Variants in ADI1 observed in about 807,000 individuals in gnomAD.
The protein encoded by ADI1 is acireductone dioxygenase 1.
ADI1 carries 21 observed loss-of-function variants against 18.7 expected under a neutral mutation model. The observed-to-expected ratio is 1.13, with a 90% CI of 0.80 to 1.62. The LOEUF (loss-of-function observed/expected upper bound fraction) is 1.62. Among genes scored for constraint, ADI1 ranks in the 40% most tolerant of loss-of-function variants. The probability of loss-of-function intolerance (pLI) is 0.00; values close to 1 mark genes in which losing one functional copy is unlikely to be tolerated. For synonymous variants in ADI1, 90 were observed against 100.1 expected (o/e 0.90, Z 0.60); for missense variants, 245 against 254.9 (o/e 0.96, Z 0.26).
At chr2:3,519,231 C>T in intron 1 of ADI1, 137 bp downstream of exon 1, 2 of 1,256,314 alleles carry the variant, frequency 1.6e-6, no homozygotes, top group Non-Finnish European at 2.0e-6. Flanking sequence ...GCCACGAACC[C>T]CCAAATCCCG....
At chr2:3,504,425 T>TA (rs1667126714) in intron 2 of ADI1, among the ~76,000 whole-genome samples, 4 of 152,234 alleles carry the variant, frequency 2.6e-5, no homozygotes, top group African/African-American at 9.6e-5. Flanking sequence ...TTATGTGAGA[T>TA]AAAACGTGGC....
chr2:3,519,132 T>TGCGCAGCACACCCAGGCGCC (rs1667499145), intron 1 of ADI1: 1 of 433,168 alleles, frequency 2.3e-6, no homozygotes, highest in Admixed American at 4.8e-5. Context: ...CTGCTGAGCA[T>TGCGCAGCACACCCAGGCGCC]GCGCAGCACA....
intron 1 of ADI1, 81 bp from the exon 2 acceptor site, chr2:3,514,057 T>G (rs746482974): frequency 6.8e-7 from 1 of 1,473,506 alleles, no homozygotes; most frequent in Non-Finnish European, 9.0e-7. Flanking sequence ...ATCTCCAATA[T>G]GATTTTATAC....
At chr2:3,517,986 G>A (rs921275151) in intron 1 of ADI1, among the ~76,000 whole-genome samples, 3 of 152,064 alleles carry the variant, frequency 2.0e-5, no homozygotes, top group South Asian at 2.1e-4. Context: ...TCTTAAAACC[G>A]TCAAATGCAC....
At chr2:3,511,335 T>C (rs1667290722) in intron 2 of ADI1, among the ~76,000 whole-genome samples, 1 of 151,280 alleles carries the variant, frequency 6.6e-6, no homozygotes, top group South Asian at 2.1e-4. Flanking sequence ...ATTAAACCTT[T>C]TTCTTATAAT....
chr2:3,519,272 C>T, intron 1 of ADI1, 96 bp downstream of exon 1: 4 of 1,308,686 alleles, frequency 3.1e-6, no homozygotes, highest in Non-Finnish European at 3.9e-6. Context: ...GCCGCGGCTC[C>T]CAGGCCGCTG....
At chr2:3,506,658 G>A (rs1027823977) in intron 2 of ADI1, among the ~76,000 whole-genome samples, 1 of 152,156 alleles carries the variant, frequency 6.6e-6, no homozygotes, top group Non-Finnish European at 1.5e-5. Context: ...CCAATTCAAA[G>A]TTCCAGCTAG....
At chr2:3,519,337 C>G (rs1239163368) in intron 1 of ADI1, 31 bp downstream of exon 1, 1 of 1,391,262 alleles carries the variant, frequency 7.2e-7, no homozygotes, top group Non-Finnish European at 9.3e-7. Context: ...CGGCGTCGCC[C>G]GCACGCTCTG....
At chr2:3,518,732 C>T (rs892047103) in intron 1 of ADI1, among the ~76,000 whole-genome samples, 2 of 152,216 alleles carry the variant, frequency 1.3e-5, no homozygotes, top group African/African-American at 4.8e-5. Context: ...GTCCCCCTTC[C>T]TCCGATAGAA....
In ADI1 at chr2:3,519,287, G is replaced by C. The variant is rs1667504353; in HGVS notation, c.120+81C>G. On this transcript the variant is annotated intron_variant, in intron 1 of 3. Coordinates refer to ENST00000327435, the MANE Select transcript of ADI1 (RefSeq NM_018269.4). ...GCCGCGGCTCCCAGGCCGCTGCCCG[G>C]CACCTGGAGGAGGCTGGGCTGTGCG... 31 of 1,314,436 alleles carry C rather than the reference G, an allele frequency of 2.4e-5. 1 individual carries two copies. The South Asian group carries it at 5.7e-4, about 24-fold the overall frequency. 81.4% of individuals were successfully genotyped at this position (1,314,436 alleles called of 1,614,324 possible).
intron 2 of ADI1, among the ~76,000 whole-genome samples, chr2:3,501,559 A>C (rs1053403189): frequency 6.6e-6 from 1 of 151,856 alleles, no homozygotes; most frequent in African/African-American, 2.4e-5. Flanking sequence ...TTTTAGGTGG[A>C]GTCTCGCTCT....
In ADI1 at chr2:3,519,379, G is replaced by C. The variant is rs924517927; in HGVS notation, c.109C>G (p.Leu37Val). The change falls in exon 1 of 4, where the codon CTC (leucine) becomes GTC (valine). Residue 37 changes from leucine to valine, a missense_variant. Transcript: ENST00000327435. ...TTGGGCTCGCGTACCTTCCAGTAGA[G>C]CACCCCGAGCCGCCGCAGCTGCTCC... ...GLEQLRRLGV[L>V]YWKLDADKYE... 4.2e-6 allele frequency: 6 copies of C among 1,429,700 alleles called. No homozygotes were observed. Among genetic ancestry groups the C allele is most frequent in the Non-Finnish European group, 5.5e-6 (6 of 1,099,062 alleles). 88.6% of individuals were successfully genotyped at this position (1,429,700 alleles called of 1,614,324 possible).
At chr2:3,507,688 G>A (rs909332160) in intron 2 of ADI1, among the ~76,000 whole-genome samples, 3 of 152,060 alleles carry the variant, frequency 2.0e-5, no homozygotes, top group African/African-American at 7.2e-5. Context: ...AAATTATATA[G>A]GTCTGAATCT....
chr2:3,502,037 ACAC>A (rs774356527), intron 2 of ADI1, among the ~76,000 whole-genome samples: 1 of 101,888 alleles, frequency 9.8e-6, no homozygotes, highest in Admixed American at 9.1e-5. Flanking sequence ...ACACACACAC[ACAC>A]ACAGAGACAG....
chr2:3,518,880 G>A (rs1398261305), intron 1 of ADI1, among the ~76,000 whole-genome samples: 1 of 152,206 alleles, frequency 6.6e-6, no homozygotes, highest in East Asian at 1.9e-4. Flanking sequence ...TGCCAATCCC[G>A]GAGCTGCGCG....
At position 3,497,767 on chromosome 2, in the gene ADI1, G is replaced by A. The variant is rs989678898; in HGVS notation, c.*1196C>T. 1 of 152,202 alleles carries A rather than the reference G, an allele frequency of 6.6e-6. No individual in the cohort carries two copies. Among genetic ancestry groups the A allele is most frequent in the Admixed American group, 6.5e-5 (1 of 15,280 alleles). 9.4% of individuals were successfully genotyped at this position (152,202 alleles called of 1,614,324 possible). A position where few individuals can be genotyped will look rare whatever the true frequency, so the allele number is the denominator to read the frequency against. On this transcript the variant is annotated 3_prime_UTR_variant, in exon 4 of 4. Coordinates refer to ENST00000327435, the MANE Select transcript of ADI1 (RefSeq NM_018269.4). ...CCGCAGGAGGCCAGCCCCGCACGAG[G>A]AGTTTCAAACACTAAGGATCCTGAC... is the stretch of plus-strand genomic sequence containing the variant.
chr2:3,502,772 C>G (rs1254316975), intron 2 of ADI1, among the ~76,000 whole-genome samples: 1 of 152,136 alleles, frequency 6.6e-6, no homozygotes, highest in Non-Finnish European at 1.5e-5. Context: ...AACTCTTGAA[C>G]ATATTATTTT....
rs571643475 is a variant in ADI1 at position 3,503,511 on chromosome 2, A to T, written c.241-2518T>A. Among the ~76,000 whole-genome samples the T allele has an allele frequency of 1.5e-4, 22 of 150,054 alleles. 6 individuals carry two copies. The highest frequency in any genetic ancestry group is 6.6e-4 in the Admixed American group (10 of 15,126). On this transcript the variant is annotated intron_variant, in intron 2 of 3. Coordinates refer to ENST00000327435, the MANE Select transcript of ADI1 (RefSeq NM_018269.4). ...TGCACACGTACACACACACGCCTAC[A>T]TTCACACACTCACATGCACACATAC...
intron 2 of ADI1, among the ~76,000 whole-genome samples, chr2:3,505,440 A>G (rs1558426749): frequency 1.3e-5 from 2 of 152,212 alleles, no homozygotes. Context: ...CCCAGTCATC[A>G]GGGGCCTCAC....
Sources: allele counts gnomAD v4.1 joint callset (sites outside exome capture counted in the v4.1 genomes callset), GRCh38; gene constraint gnomAD v4.1.1; transcripts MANE v1.5; gene names NCBI Gene and HGNC (gene_info 2026-07-23, HGNC 2026-07-21).